The following CDH13 variants were observed in gnomAD, a reference collection of about 807,000 sequenced individuals.
CDH13 encodes the protein cadherin-13.
CDH13 carries 24 observed loss-of-function variants against 63.8 expected under a neutral mutation model. That is an observed-to-expected ratio of 0.38 (90% CI 0.27 to 0.53). CDH13 has a LOEUF of 0.53. Ranked by LOEUF, CDH13 falls within the 20% of genes least tolerant of loss-of-function variation. CDH13 has a pLI of 0.85. For missense variants in CDH13, 1,049 were observed against 903.1 expected, an observed-to-expected ratio of 1.16 and a Z score of -2.07; for synonymous variants, 503 against 355.3, an observed-to-expected ratio of 1.42 and a Z score of -4.67.
chr16:83,448,226 G>C (rs1037512798), intron 6 of CDH13, among the ~76,000 whole-genome samples: 2 of 152,066 alleles, frequency 1.3e-5, no homozygotes, highest in African/African-American at 4.8e-5. Context: ...AGGAAATGTG[G>C]TATCACTGAT....
intron 10 of CDH13, among the ~76,000 whole-genome samples, chr16:83,707,226 C>G (rs1255395985): frequency 6.6e-6 from 1 of 152,214 alleles, no homozygotes; most frequent in Admixed American, 6.5e-5. Flanking sequence ...CCATCACAAT[C>G]CTGTTGGTCT....
chr16:83,234,318 T>G (rs1436887926), intron 5 of CDH13, among the ~76,000 whole-genome samples: 1 of 152,234 alleles, frequency 6.6e-6, no homozygotes, highest in Non-Finnish European at 1.5e-5. Context: ...ACTTGATTTT[T>G]ATTCCTGTTT....
rs761334823 is a variant in CDH13, at chr16:83,780,098, G to T, written c.1812G>T (p.Leu604Phe). 1.2e-6 allele frequency: 2 copies of T among 1,613,782 alleles called. No homozygotes were observed. The highest frequency in any genetic ancestry group is 8.5e-7 in the Non-Finnish European group (1 of 1,179,804). ...CCAAAAACCTCAGTGTAGTCATTTT[G>T]GGAGCATCAGATAAGGATCTTCACC... ...DDAKNLSVVI[L>F]GASDKDLHPN... Residue 604 changes from leucine (L) to phenylalanine (F), a missense_variant, in exon 12 of 14, where the codon TTG (leucine) becomes TTT (phenylalanine). Coordinates refer to ENST00000567109, the MANE Select transcript of CDH13 (RefSeq NM_001257.5).
intron 1 of CDH13, among the ~76,000 whole-genome samples, chr16:82,716,157 C>T (rs572666323): frequency 1.3e-5 from 2 of 152,284 alleles, no homozygotes; most frequent in Non-Finnish European, 2.9e-5. Flanking sequence ...CCATGGCACT[C>T]CTCAATCCCC....
intron 1 of CDH13, among the ~76,000 whole-genome samples, chr16:82,745,230 T>C (rs2034109260): frequency 6.6e-6 from 1 of 152,174 alleles, no homozygotes; most frequent in African/African-American, 2.4e-5. Flanking sequence ...ATTCCAATGG[T>C]AGCCGCTTTG....
intron 7 of CDH13, among the ~76,000 whole-genome samples, chr16:83,591,415 C>G (rs201615622): frequency 1.3e-5 from 2 of 152,220 alleles, no homozygotes; most frequent in Non-Finnish European, 2.9e-5. Flanking sequence ...TTAGCCTGTT[C>G]TGTTCTGCTC....
intron 6 of CDH13, among the ~76,000 whole-genome samples, chr16:83,414,269 A>T (rs2092168786): frequency 6.6e-6 from 1 of 152,212 alleles, no homozygotes; most frequent in Non-Finnish European, 1.5e-5. Flanking sequence ...AAACAACTTT[A>T]TTAATACATA....
intron 2 of CDH13, among the ~76,000 whole-genome samples, chr16:82,936,573 C>A (rs1262016902): frequency 2.0e-5 from 3 of 152,036 alleles, no homozygotes; most frequent in African/African-American, 7.2e-5. Flanking sequence ...AACAGTAGGC[C>A]CCCCACCTTC....
intron 1 of CDH13, among the ~76,000 whole-genome samples, chr16:82,797,925 C>G (rs775463403): frequency 1.3e-5 from 2 of 152,094 alleles, no homozygotes; most frequent in Non-Finnish European, 1.5e-5. Flanking sequence ...TATGTCCTTA[C>G]TACTGGTTTG....
intron 6 of CDH13, among the ~76,000 whole-genome samples, chr16:83,362,577 G>T (rs1255430380): frequency 6.6e-6 from 1 of 152,130 alleles, no homozygotes; most frequent in South Asian, 2.1e-4. Context: ...GTGAGATTGG[G>T]TATTACTGTC....
At chr16:82,901,352 G>A (rs1567644915) in intron 2 of CDH13, among the ~76,000 whole-genome samples, 1 of 149,980 alleles carries the variant, frequency 6.7e-6, no homozygotes, top group African/African-American at 2.5e-5. Context: ...GTGTGTGTGT[G>A]TGTGTGTGTG....
intron 10 of CDH13, among the ~76,000 whole-genome samples, chr16:83,705,815 A>C (rs1906955880): frequency 6.6e-6 from 1 of 152,184 alleles, no homozygotes; most frequent in Non-Finnish European, 1.5e-5. Flanking sequence ...ATGTTGGGTC[A>C]AGTGATCCCC....
chr16:83,420,916 G>A (rs2071695735), intron 6 of CDH13, among the ~76,000 whole-genome samples: 1 of 152,158 alleles, frequency 6.6e-6, no homozygotes, highest in Admixed American at 6.5e-5. Context: ...TCTAGCAGGG[G>A]AAAAAGAAGT....
At chr16:83,090,452 T>C (rs1423700510) in intron 3 of CDH13, among the ~76,000 whole-genome samples, 2 of 151,500 alleles carry the variant, frequency 1.3e-5, no homozygotes, top group East Asian at 2.0e-4. Context: ...TGCACCCCTG[T>C]AATCCCAGCC....
intron 7 of CDH13, among the ~76,000 whole-genome samples, chr16:83,515,044 G>C (rs1008897082): frequency 6.6e-6 from 1 of 152,176 alleles, no homozygotes; most frequent in Admixed American, 6.5e-5. Flanking sequence ...TTTAGGGTCA[G>C]AGGCAGCTTC....
chr16:83,171,291 G>C (rs1038632179), intron 4 of CDH13, among the ~76,000 whole-genome samples: 3 of 152,036 alleles, frequency 2.0e-5, no homozygotes, highest in African/African-American at 7.2e-5. Context: ...ACCAGATCTT[G>C]TGAGAACTCT....
At chr16:83,139,143 C>T (rs72800211) in intron 4 of CDH13, among the ~76,000 whole-genome samples, 24,623 of 152,064 alleles carry the variant, frequency 0.16, 2,146 homozygotes, top group South Asian at 0.22. Flanking sequence ...GTGACAGATC[C>T]ACCTGCGTGC....
In CDH13 at chr16:83,354,789, T is replaced by TGAG. The variant is rs571137730; in HGVS notation, c.781+9784_781+9786dup. Among the ~76,000 whole-genome samples the TGAG allele has an allele frequency of 1.6e-3, 238 of 152,340 alleles. 1 individual carries two copies. The highest frequency in any genetic ancestry group is 5.5e-3 in the African/African-American group (230 of 41,594). ...GGCAAGGGCAAGGGCAAGATCGTTCTGAGCATGAGTCAACAAACTATGGGC... is the reference window on the plus strand; with the variant it reads ...GGCAAGGGCAAGGGCAAGATCGTTCTGAGGAGCATGAGTCAACAAACTATGGGC... On this transcript the variant is annotated intron_variant, in intron 6 of 13. Coordinates refer to ENST00000567109, the MANE Select transcript of CDH13 (RefSeq NM_001257.5).
chr16:83,258,813 ATAAC>A (rs1381972783), intron 5 of CDH13, among the ~76,000 whole-genome samples: 2 of 152,236 alleles, frequency 1.3e-5, no homozygotes, highest in Non-Finnish European at 2.9e-5. Context: ...GACGCTATAA[ATAAC>A]AGGCACGTGA....
Sources: allele counts gnomAD v4.1 joint callset (sites outside exome capture counted in the v4.1 genomes callset), GRCh38; gene constraint gnomAD v4.1.1; transcripts MANE v1.5; gene names NCBI Gene and HGNC (gene_info 2026-07-23, HGNC 2026-07-21).